Variants in GALNTL6 observed in about 807,000 individuals in gnomAD.
The protein encoded by GALNTL6 is polypeptide N-acetylgalactosaminyltransferase-like 6.
GALNTL6 carries 46 observed loss-of-function variants against 73.7 expected under a neutral mutation model. That is an observed-to-expected ratio of 0.62 (90% confidence interval 0.49 to 0.80). GALNTL6 has a LOEUF of 0.80. Ranked by LOEUF, GALNTL6 falls within the 30% of genes least tolerant of loss-of-function variation. The probability of loss-of-function intolerance (pLI) is 0.00; values close to 1 mark genes in which losing one functional copy is unlikely to be tolerated. For missense variants in GALNTL6, 604 were observed against 755.0 expected, an observed-to-expected ratio of 0.80 and a Z score of 2.34; for synonymous variants, 259 against 263.7, an observed-to-expected ratio of 0.98 and a Z score of 0.17.
At chr4:172,701,504 G>T (rs927980138) in intron 5 of GALNTL6, among the ~76,000 whole-genome samples, 1 of 152,092 alleles carries the variant, frequency 6.6e-6, no homozygotes, top group African/African-American at 2.4e-5. Flanking sequence ...TGCCATCAAG[G>T]CAGTCTTCTG....
intron 2 of GALNTL6, among the ~76,000 whole-genome samples, chr4:171,850,854 A>G (rs7691431): frequency 0.74 from 112,548 of 151,940 alleles, 41,882 homozygotes; most frequent in South Asian, 0.87. Flanking sequence ...AGGATTTTAG[A>G]TTTAGTTTAC....
chr4:172,796,655 T>C lies in GALNTL6; in HGVS notation c.554-12706T>C, dbSNP rs369154807. ...GGTTCTTTTCCTTTTCATGATTTAATAGCATTGTCAAGAAATGGGGCAATG... is the reference window on the plus strand; with the variant it reads ...GGTTCTTTTCCTTTTCATGATTTAACAGCATTGTCAAGAAATGGGGCAATG... On this transcript the variant is annotated intron_variant, in intron 5 of 12. Transcript: ENST00000506823. Among the ~76,000 whole-genome samples the C allele has an allele frequency of 2.6e-5, 4 of 152,338 alleles. No homozygotes were observed. In the East Asian group the frequency reaches 5.8e-4, roughly 22 times the overall value.
intron 7 of GALNTL6, among the ~76,000 whole-genome samples, chr4:172,879,795 A>G (rs527925760): frequency 2.7e-4 from 41 of 152,140 alleles, no homozygotes; most frequent in African/African-American, 7.5e-4. Context: ...AATATAAAAC[A>G]GTAAAACAAT....
chr4:172,725,766 C>T (rs1735759336), intron 5 of GALNTL6, among the ~76,000 whole-genome samples: 1 of 152,132 alleles, frequency 6.6e-6, no homozygotes, highest in Admixed American at 6.6e-5. Flanking sequence ...AAAAATTATT[C>T]ATTCTGCTAA....
At chr4:172,242,628 C>A (rs1376656975) in intron 3 of GALNTL6, among the ~76,000 whole-genome samples, 1 of 152,248 alleles carries the variant, frequency 6.6e-6, no homozygotes, top group African/African-American at 2.4e-5. Flanking sequence ...TGTCTTTTTG[C>A]TACTTCAATT....
intron 2 of GALNTL6, among the ~76,000 whole-genome samples, chr4:172,102,100 T>C (rs1579140346): frequency 1.3e-5 from 2 of 152,310 alleles, no homozygotes; most frequent in South Asian, 4.1e-4. Context: ...ATCTTCTCTA[T>C]GAAAACTTCG....
At chr4:172,449,820 C>A (rs1732147303) in intron 5 of GALNTL6, among the ~76,000 whole-genome samples, 1 of 152,162 alleles carries the variant, frequency 6.6e-6, no homozygotes, top group African/African-American at 2.4e-5. Flanking sequence ...AGAATATTCT[C>A]CCACATTTCA....
intron 5 of GALNTL6, among the ~76,000 whole-genome samples, chr4:172,399,642 C>A (rs1201419471): frequency 6.6e-6 from 1 of 151,972 alleles, no homozygotes; most frequent in African/African-American, 2.4e-5. Context: ...CTTATCTATT[C>A]CTACTTCACA....
chr4:172,001,261 T>C (rs1283476958), intron 2 of GALNTL6, among the ~76,000 whole-genome samples: 1 of 152,156 alleles, frequency 6.6e-6, no homozygotes. Context: ...TTAGTATACT[T>C]TCAGTGTAAA....
chr4:172,152,153 T>C (rs1359284476), intron 2 of GALNTL6, among the ~76,000 whole-genome samples: 1 of 152,044 alleles, frequency 6.6e-6, no homozygotes, highest in African/African-American at 2.4e-5. Flanking sequence ...AATTTTTGTA[T>C]TTTTAGTAGA....
intron 5 of GALNTL6, among the ~76,000 whole-genome samples, chr4:172,597,940 A>C (rs912790449): frequency 6.6e-6 from 1 of 151,554 alleles, no homozygotes; most frequent in Non-Finnish European, 1.5e-5. Context: ...TTTTTAAGGT[A>C]AGATATTTGG....
chr4:172,733,698 C>G (rs138918833), intron 5 of GALNTL6, among the ~76,000 whole-genome samples: 1 of 152,156 alleles, frequency 6.6e-6, no homozygotes, highest in Non-Finnish European at 1.5e-5. Context: ...GTAAGATGTG[C>G]CTTTGCTCCT....
At chr4:172,137,674 G>T (rs768095073) in intron 2 of GALNTL6, among the ~76,000 whole-genome samples, 1 of 152,124 alleles carries the variant, frequency 6.6e-6, no homozygotes, top group Non-Finnish European at 1.5e-5. Flanking sequence ...CAGATGAAGG[G>T]TAGGTAAGAA....
Position 171,967,453 on chromosome 4 carries a change from T to TTTTGTTTGTTTG in GALNTL6, c.138+152738_138+152739insGTTTGTTTGTTT, listed in dbSNP as rs1553976672. 5.0e-5 allele frequency among the ~76,000 whole-genome samples: 7 copies of TTTTGTTTGTTTG among 141,380 alleles called. No homozygotes were observed. The East Asian group carries it at 6.0e-4, about 12-fold the overall frequency. The allele number at this position is 141,380 out of a possible 152,430, so 92.8% of individuals were successfully genotyped here. The stretch of plus-strand genomic sequence containing the variant: ...AGTTTTCTTCCCCCTATGGGTTTTT[T>TTTTGTTTGTTTG]TTTTTTTTTTTTGTAGATGTAGTTC... On this transcript the variant is annotated intron_variant, in intron 2 of 12. Coordinates refer to ENST00000506823, the MANE Select transcript of GALNTL6 (RefSeq NM_001034845.3).
chr4:172,243,992 C>G (rs796393089), intron 3 of GALNTL6, among the ~76,000 whole-genome samples: 1 of 151,984 alleles, frequency 6.6e-6, no homozygotes, highest in Non-Finnish European at 1.5e-5. Flanking sequence ...TTATCTGGCA[C>G]CCTTTTTATT....
chr4:172,108,602 C>A (rs946669518), intron 2 of GALNTL6, among the ~76,000 whole-genome samples: 4 of 152,160 alleles, frequency 2.6e-5, no homozygotes, highest in African/African-American at 9.7e-5. Flanking sequence ...TCCGGAAACA[C>A]CCTCACAGAT....
chr4:171,980,602 T>C lies in GALNTL6; in HGVS notation c.138+165884T>C, dbSNP rs538238713. Among the ~76,000 whole-genome samples the C allele has an allele frequency of 2.6e-5, 4 of 152,254 alleles. No homozygotes were observed. In the East Asian group the frequency reaches 7.7e-4, roughly 29 times the overall value. Reference sequence around the variant, plus strand: ...AGAAAAGACATACAAATTATAAAAGTACAATGAAGAAGGCGACATCAAACT... The same window carrying C: ...AGAAAAGACATACAAATTATAAAAGCACAATGAAGAAGGCGACATCAAACT... On this transcript the variant is annotated intron_variant, in intron 2 of 12. Transcript: ENST00000506823.
intron 7 of GALNTL6, among the ~76,000 whole-genome samples, chr4:172,847,167 T>G (rs1426137924): frequency 1.3e-5 from 2 of 152,186 alleles, no homozygotes; most frequent in Non-Finnish European, 2.9e-5. Flanking sequence ...GAACCAACCT[T>G]TATTTCAGAG....
intron 8 of GALNTL6, among the ~76,000 whole-genome samples, chr4:172,895,000 G>C (rs1746245975): frequency 6.7e-6 from 1 of 148,978 alleles, no homozygotes; most frequent in Non-Finnish European, 1.5e-5. Context: ...CATCAGTATA[G>C]CTACTCTAGC....
Sources: gnomAD v4.1 joint callset for allele counts (sites outside exome capture counted in the v4.1 genomes callset) on GRCh38, gnomAD v4.1.1 for gene constraint, MANE v1.5 for transcripts, NCBI Gene and HGNC (gene_info 2026-07-23, HGNC 2026-07-21) for gene names.